Variants in GRAMD1B observed in about 807,000 individuals in gnomAD.
The protein encoded by GRAMD1B is protein Aster-B.
GRAMD1B carries 37 observed loss-of-function variants against 99.7 expected under a neutral mutation model. The ratio of observed to expected loss-of-function variants is 0.37; its 90% CI spans 0.29 to 0.49. The LOEUF is 0.49. GRAMD1B is among the 20% of genes least tolerant of loss of function. GRAMD1B has a pLI of 0.98. For synonymous variants in GRAMD1B, 427 were observed against 387.6 expected, an observed-to-expected ratio of 1.10 and a Z score of -1.19; for missense variants, 888 against 1,009.2, an observed-to-expected ratio of 0.88 and a Z score of 1.63.
Position 123,610,061 on chromosome 11 carries a change from C to T in GRAMD1B, c.1777-135C>T. ...TGGTGGCGTCTTGCTTGTTTAGTTGCTGCTGATTCCAGTGATCCTGGTTCT... is the reference window on the plus strand; with the variant it reads ...TGGTGGCGTCTTGCTTGTTTAGTTGTTGCTGATTCCAGTGATCCTGGTTCT... On this transcript the variant is annotated intron_variant, in intron 13 of 19. Coordinates refer to ENST00000635736, the MANE Select transcript of GRAMD1B (RefSeq NM_001387025.1). The surrounding 1 kb of genome is among the most constrained non-coding windows in gnomAD (Gnocchi z 4.1). 1 of 883,472 alleles carries T rather than the reference C, an allele frequency of 1.1e-6. No individual in the cohort carries two copies. The highest frequency in any genetic ancestry group is 1.6e-5 in the South Asian group (1 of 63,190). The allele number at this position is 883,472 out of a possible 1,614,324, so 54.7% of individuals were successfully genotyped here.
chr11:123,565,508 T>C (rs1467346427), intron 2 of GRAMD1B, among the ~76,000 whole-genome samples: 1 of 152,202 alleles, frequency 6.6e-6, no homozygotes, highest in Non-Finnish European at 1.5e-5. Context: ...TGACATTGAA[T>C]CAGCAAGGTT....
chr11:123,376,950 G>A (rs1265614733), intron 1 of GRAMD1B, among the ~76,000 whole-genome samples: 2 of 152,162 alleles, frequency 1.3e-5, no homozygotes, highest in East Asian at 1.9e-4. Flanking sequence ...TTAGTTCTGT[G>A]GTTCAGTTCT....
At chr11:123,404,314 T>C (rs985159646) in intron 1 of GRAMD1B, among the ~76,000 whole-genome samples, 1 of 152,258 alleles carries the variant, frequency 6.6e-6, no homozygotes, top group Non-Finnish European at 1.5e-5. Flanking sequence ...TTCTTTTTTA[T>C]TAATTTGTGG....
chr11:123,591,390 G>T lies in GRAMD1B; in HGVS notation c.685-2692G>T. ...CGTCGTTGGGAGGGGCAGCCGTGCT[G>T]GGCAATGGAATCACTGACGGAGTCG... On this transcript the variant is annotated intron_variant, in intron 4 of 19. Transcript: ENST00000635736. The surrounding 1 kb of genome is among the most constrained non-coding windows in gnomAD (Gnocchi z 4.7). 1 of 399,190 alleles carries T rather than the reference G, an allele frequency of 2.5e-6. No homozygotes were observed. The highest frequency in any genetic ancestry group is 1.3e-4 in the South Asian group (1 of 7,832). 24.7% of individuals were successfully genotyped at this position (399,190 alleles called of 1,614,324 possible).
At chr11:123,397,023 T>G (rs1947487709) in intron 1 of GRAMD1B, among the ~76,000 whole-genome samples, 1 of 152,142 alleles carries the variant, frequency 6.6e-6, no homozygotes, top group Admixed American at 6.5e-5. Context: ...TTTTGACAAA[T>G]GTATACATTT....
rs75252011 is a variant in GRAMD1B at position 123,510,846 on chromosome 11, A to G, written c.452+29953A>G. ...TGTCAGAGTGGAGGGAAATGTTGTG[A>G]GCACCAAGACCTCAGGAGAGGCGAG... On this transcript the variant is annotated intron_variant, in intron 2 of 19. Transcript: ENST00000635736. The surrounding 1 kb of genome is among the most constrained non-coding windows in gnomAD (Gnocchi z 4.3). Among the ~76,000 whole-genome samples, 23 of 152,144 alleles carry G rather than the reference A, an allele frequency of 1.5e-4. No homozygotes were observed. The East Asian group carries it at 4.5e-3, about 30-fold the overall frequency.
At chr11:123,566,846 G>C (rs1203835750) in intron 2 of GRAMD1B, among the ~76,000 whole-genome samples, 4 of 152,286 alleles carry the variant, frequency 2.6e-5, no homozygotes, top group Admixed American at 6.5e-5. Context: ...GTATGTGCCA[G>C]TCATTTTGCT....
At chr11:123,479,859 A>G (rs1347790368) in intron 1 of GRAMD1B, among the ~76,000 whole-genome samples, 1 of 152,220 alleles carries the variant, frequency 6.6e-6, no homozygotes, top group Non-Finnish European at 1.5e-5. Context: ...TTCACCTGTC[A>G]TGAAATATTC....
intron 3 of GRAMD1B, among the ~76,000 whole-genome samples, chr11:123,583,427 T>C (rs537032803): frequency 3.1e-4 from 47 of 151,866 alleles, no homozygotes; most frequent in Non-Finnish European, 4.1e-4. Context: ...TATGTGTGTG[T>C]ACTTGTGTAT....
chr11:123,469,424 C>A (rs1057181276), intron 1 of GRAMD1B, among the ~76,000 whole-genome samples: 3 of 152,004 alleles, frequency 2.0e-5, no homozygotes, highest in Admixed American at 6.5e-5. Context: ...CAGACAGAGG[C>A]CGTCGGAGTG....
intron 1 of GRAMD1B, among the ~76,000 whole-genome samples, chr11:123,364,192 T>C (rs1025621606): frequency 2.6e-5 from 4 of 152,204 alleles, no homozygotes; most frequent in Admixed American, 1.3e-4. Context: ...TAAAGAGTGA[T>C]GTTGAGTCAG....
At chr11:123,486,199 C>G (rs546654100) in intron 2 of GRAMD1B, among the ~76,000 whole-genome samples, 15 of 152,272 alleles carry the variant, frequency 9.9e-5, no homozygotes, top group African/African-American at 3.4e-4. Flanking sequence ...TTCTGGCTAT[C>G]ATAACATTTT....
intron 1 of GRAMD1B, among the ~76,000 whole-genome samples, chr11:123,445,277 C>G (rs1298141382): frequency 6.6e-6 from 1 of 152,170 alleles, no homozygotes; most frequent in African/African-American, 2.4e-5. Context: ...AGGCTGACCC[C>G]TCAGAGCAAT....
rs1050686386 is a variant in GRAMD1B at position 123,591,971 on chromosome 11, C to T, written c.685-2111C>T. The stretch of plus-strand genomic sequence containing the variant: ...CTGCGGGTTGGAGATGGTGGCCAAA[C>T]GCCCTGTACCTCCACCTCTGTGGAT... On this transcript the variant is annotated intron_variant, in intron 4 of 19. Transcript: ENST00000635736. This position sits in a 1 kb window ranked among gnomAD's most constrained non-coding sequence, Gnocchi z 4.7. Among the ~76,000 whole-genome samples the T allele has an allele frequency of 3.3e-5, 5 of 152,200 alleles. No individual in the cohort carries two copies. The highest frequency in any genetic ancestry group is 3.9e-4 in the East Asian group (2 of 5,190).
intron 2 of GRAMD1B, among the ~76,000 whole-genome samples, chr11:123,488,682 C>T (rs1037870166): frequency 5.7e-5 from 8 of 139,910 alleles, no homozygotes; most frequent in Non-Finnish European, 1.2e-4. Flanking sequence ...CCTCCTCCCC[C>T]GTTGCCACCC....
At chr11:123,429,063 C>T (rs1468396372), upstream of GRAMD1B, among the ~76,000 whole-genome samples, 6 of 152,042 alleles carry the variant, frequency 3.9e-5, no homozygotes, top group African/African-American at 7.2e-5. The surrounding 1 kb of genome is among the most constrained non-coding windows in gnomAD (Gnocchi z 4.0). Context: ...TGTGGTGGTG[C>T]GCACCTGTAC....
chr11:123,592,920 A>G (rs2059778367), intron 4 of GRAMD1B, among the ~76,000 whole-genome samples: 1 of 151,654 alleles, frequency 6.6e-6, no homozygotes, highest in Non-Finnish European at 1.5e-5. Flanking sequence ...TTTTTATTTT[A>G]TTTTTTAAAT....
At chr11:123,568,767 G>GA (rs1388872573) in intron 2 of GRAMD1B, among the ~76,000 whole-genome samples, 12 of 151,630 alleles carry the variant, frequency 7.9e-5, no homozygotes, top group Non-Finnish European at 1.2e-4. Context: ...ATGCTGTAGG[G>GA]AAAAAAAAGC....
rs140659013 is a variant in GRAMD1B at position 123,555,383 on chromosome 11, C to T, written c.453-21984C>T. Among the ~76,000 whole-genome samples, 1,130 of 152,312 alleles carry T rather than the reference C, an allele frequency of 7.4e-3. 13 individuals are homozygous for T. Among genetic ancestry groups the T allele is most frequent in the African/African-American group, 0.014 (596 of 41,574 alleles). On this transcript the variant is annotated intron_variant, in intron 2 of 19. Coordinates refer to ENST00000635736, the MANE Select transcript of GRAMD1B (RefSeq NM_001387025.1). ...TAATTTTTTGAGACAGAGTCTCACT[C>T]TGTCACCGAGGCTGGGGTGCAATGG...
Sources: allele counts gnomAD v4.1 joint callset (sites outside exome capture counted in the v4.1 genomes callset), GRCh38; gene constraint gnomAD v4.1.1; non-coding constraint Gnocchi (gnomAD v3.1); transcripts MANE v1.5; gene names NCBI Gene and HGNC (gene_info 2026-07-23, HGNC 2026-07-21).